The following CDH13 variants were observed in gnomAD, a reference collection of about 807,000 sequenced individuals.
The protein encoded by CDH13 is cadherin-13.
A neutral mutation model predicts 63.8 loss-of-function variants in CDH13; 24 were observed. The observed-to-expected ratio is 0.38, with a 90% CI of 0.27 to 0.53. The LOEUF (loss-of-function observed/expected upper bound fraction) is 0.53. Ranked by LOEUF, CDH13 falls within the 20% of genes least tolerant of loss-of-function variation. The probability of loss-of-function intolerance (pLI) is 0.85; values close to 1 mark genes in which losing one functional copy is unlikely to be tolerated. For synonymous variants in CDH13, 503 were observed against 355.3 expected, an observed-to-expected ratio of 1.42 and a Z score of -4.67; for missense variants, 1,049 against 903.1, an observed-to-expected ratio of 1.16 and a Z score of -2.07.
intron 1 of CDH13, among the ~76,000 whole-genome samples, chr16:82,781,227 C>A (rs2035738516): frequency 6.6e-6 from 1 of 152,156 alleles, no homozygotes; most frequent in East Asian, 1.9e-4. Flanking sequence ...TGTTTAGTTG[C>A]CACAGGGAAA....
At position 82,788,571 on chromosome 16, in the gene CDH13, C is replaced by T. The variant is rs143768267; in HGVS notation, c.46-69791C>T. 4.1e-3 allele frequency among the ~76,000 whole-genome samples: 621 copies of T among 152,368 alleles called. 3 individuals are homozygous for T. The highest frequency in any genetic ancestry group is 6.1e-3 in the Non-Finnish European group (412 of 68,030). On this transcript the variant is annotated intron_variant, in intron 1 of 13. Transcript: ENST00000567109. ...GTGTTATTAACCGGAGGAACACTTA[C>T]ATTTTCTGACAACTCTAATCTTGGA...
intron 5 of CDH13, among the ~76,000 whole-genome samples, chr16:83,278,172 T>G (rs1210807762): frequency 6.6e-6 from 1 of 152,170 alleles, no homozygotes; most frequent in East Asian, 1.9e-4. Context: ...GTTATTCAAT[T>G]TTAAGTAGCG....
At chr16:82,764,690 T>A (rs748245703) in intron 1 of CDH13, among the ~76,000 whole-genome samples, 3 of 152,246 alleles carry the variant, frequency 2.0e-5, no homozygotes, top group Non-Finnish European at 2.9e-5. Flanking sequence ...GTGTGTTGAA[T>A]AATGAATGAA....
intron 1 of CDH13, among the ~76,000 whole-genome samples, chr16:82,841,850 C>T (rs1477072816): frequency 6.6e-6 from 1 of 151,978 alleles, no homozygotes; most frequent in Non-Finnish European, 1.5e-5. Context: ...CCATGAAAGA[C>T]AGTTGTACAC....
At chr16:83,112,163 C>T (rs2035087326) in intron 3 of CDH13, among the ~76,000 whole-genome samples, 1 of 152,214 alleles carries the variant, frequency 6.6e-6, no homozygotes, top group Non-Finnish European at 1.5e-5. Flanking sequence ...TTTGTGTCTG[C>T]ATTAATTAAT....
intron 1 of CDH13, among the ~76,000 whole-genome samples, chr16:82,686,815 C>A (rs549097583): frequency 1.3e-5 from 2 of 152,088 alleles, no homozygotes; most frequent in East Asian, 1.9e-4. Flanking sequence ...ATTATCAATA[C>A]CCATGGCCAT....
At chr16:83,111,562 G>A (rs138967375) in intron 3 of CDH13, among the ~76,000 whole-genome samples, 1 of 152,294 alleles carries the variant, frequency 6.6e-6, no homozygotes, top group East Asian at 1.9e-4. Context: ...AGCAGATCAT[G>A]GTATGCTAGG....
At chr16:83,550,064 C>A (rs1598273602) in intron 7 of CDH13, among the ~76,000 whole-genome samples, 3 of 152,334 alleles carry the variant, frequency 2.0e-5, no homozygotes, top group Middle Eastern at 6.8e-3. Flanking sequence ...ATGCTCTTGC[C>A]TTCTAGTGCA....
Position 83,217,429 on chromosome 16 carries a change from A to G in CDH13, c.568A>G (p.Ile190Val), listed in dbSNP as rs374474921. 1.2e-6 allele frequency: 2 copies of G among 1,613,866 alleles called. No homozygotes were observed. The highest frequency in any genetic ancestry group is 2.7e-5 in the African/African-American group (2 of 74,938). Residue 190 changes from isoleucine to valine, a missense_variant, in exon 5 of 14, where the codon ATC becomes GTC. Physicochemically the swap from Ile to Val is conservative, Grantham distance 29 (BLOSUM62 3). Coordinates refer to ENST00000567109, the MANE Select transcript of CDH13 (RefSeq NM_001257.5). ...TCAAGAGCCTAAAGGAATTTTCAGA[A>G]TCAATGAGAACACAGGGAGCGTCTC... ...VDQEPKGIFRINENTGSVSVT... is the reference protein window; with the variant it reads ...VDQEPKGIFRVNENTGSVSVT...
At chr16:83,487,608 G>C (rs1227704119) in intron 7 of CDH13, among the ~76,000 whole-genome samples, 1 of 152,078 alleles carries the variant, frequency 6.6e-6, no homozygotes, top group African/African-American at 2.4e-5. Context: ...AAACCAACTC[G>C]TGGATTCCTA....
At chr16:83,251,248 A>G (rs894843690) in intron 5 of CDH13, among the ~76,000 whole-genome samples, 1 of 152,190 alleles carries the variant, frequency 6.6e-6, no homozygotes, top group Non-Finnish European at 1.5e-5. Context: ...GTGAATCAAC[A>G]ATGATCTCAA....
At chr16:83,303,008 T>C (rs113726068) in intron 5 of CDH13, among the ~76,000 whole-genome samples, 32 of 152,342 alleles carry the variant, frequency 2.1e-4, no homozygotes, top group African/African-American at 6.7e-4. Flanking sequence ...CTGCTGTCAT[T>C]TCCAGTCCAA....
At chr16:82,731,646 C>T (rs1270194366) in intron 1 of CDH13, among the ~76,000 whole-genome samples, 1 of 152,210 alleles carries the variant, frequency 6.6e-6, no homozygotes, top group African/African-American at 2.4e-5. Context: ...ATGGGAACCA[C>T]ACTTGCTCAT....
intron 2 of CDH13, among the ~76,000 whole-genome samples, chr16:82,988,049 A>T (rs186269559): frequency 2.0e-5 from 3 of 152,312 alleles, no homozygotes; most frequent in Non-Finnish European, 4.4e-5. Context: ...CTGCCAATTG[A>T]AGCACGGCTA....
intron 2 of CDH13, among the ~76,000 whole-genome samples, chr16:82,881,521 C>T (rs545100815): frequency 3.9e-5 from 6 of 152,120 alleles, no homozygotes; most frequent in Non-Finnish European, 8.8e-5. Context: ...TGGGAAGGAG[C>T]CATGACCTTA....
At chr16:83,489,278 T>C (rs2073958584) in intron 7 of CDH13, among the ~76,000 whole-genome samples, 1 of 152,354 alleles carries the variant, frequency 6.6e-6, no homozygotes, top group Non-Finnish European at 1.5e-5. Flanking sequence ...CATTAAGTTG[T>C]AATAAGTATG....
intron 2 of CDH13, among the ~76,000 whole-genome samples, chr16:82,971,117 A>T (rs1908677093): frequency 6.6e-6 from 1 of 152,170 alleles, no homozygotes; most frequent in Admixed American, 6.5e-5. Flanking sequence ...TCAACCAAAG[A>T]CCAGCAGGAG....
intron 5 of CDH13, among the ~76,000 whole-genome samples, chr16:83,266,431 C>A (rs1387993819): frequency 6.6e-6 from 1 of 152,188 alleles, no homozygotes; most frequent in African/African-American, 2.4e-5. Context: ...CCATTGTTAA[C>A]ATTGAATTTA....
chr16:83,758,441 A>C (rs183547416), intron 11 of CDH13, among the ~76,000 whole-genome samples: 2 of 152,160 alleles, frequency 1.3e-5, no homozygotes, highest in Non-Finnish European at 2.9e-5. Context: ...AAACTAGGAA[A>C]CTTTTTTAGT....
Sources: gnomAD v4.1 joint callset for allele counts (sites outside exome capture counted in the v4.1 genomes callset) on GRCh38, gnomAD v4.1.1 for gene constraint, MANE v1.5 for transcripts, NCBI Gene and HGNC (gene_info 2026-07-23, HGNC 2026-07-21) for gene names.